SHROOM2: variants seen among roughly 807,000 people sequenced by gnomAD.
The protein encoded by SHROOM2 is protein Shroom2.
SHROOM2 carries 33 observed loss-of-function variants against 75.9 expected under a neutral mutation model. That is an observed-to-expected ratio of 0.43 (90% CI 0.33 to 0.58). The LOEUF (loss-of-function observed/expected upper bound fraction) is 0.58. Among genes scored for constraint, SHROOM2 ranks in the 20% least tolerant of loss-of-function variants. SHROOM2 has a pLI of 0.04. For synonymous variants in SHROOM2, 655 were observed against 663.6 expected (o/e 0.99, Z 0.20); for missense variants, 1,434 against 1,461.2 (o/e 0.98, Z 0.30).
chrX:9,839,675 G>A (rs1007876764), intron 1 of SHROOM2, among the ~76,000 whole-genome samples: 1 of 111,964 alleles, frequency 8.9e-6, no homozygotes, highest in East Asian at 2.8e-4. Context: ...AGATGTGCCC[G>A]TGTTGTCAGA....
chrX:9,807,814 C>G (rs958181789), intron 1 of SHROOM2, among the ~76,000 whole-genome samples: 1 of 112,183 alleles, frequency 8.9e-6, no homozygotes, highest in Admixed American at 9.4e-5. Flanking sequence ...TTCTGAGTGT[C>G]CTTTCCTGCC....
rs370073720 is a variant in SHROOM2 at position 9,932,801 on chromosome X, C to T, written c.3518C>T (p.Ser1173Leu). The change falls in exon 6 of 10, where the codon TCG (serine) becomes TTG (leucine). Residue 1173 changes from serine to leucine, a missense_variant. Ser to Leu is a moderately radical substitution (Grantham distance 145, BLOSUM62 -2). This residue lies in a region of SHROOM2 where 1,340 missense variants were observed against 1,338.3 expected (regional missense o/e 1.00). Transcript: ENST00000380913. ...TATMETSRSPSPQFAPQKLTD... is the reference protein window; with the variant it reads ...TATMETSRSPLPQFAPQKLTD... ...ACCATGGAGACCTCGCGCTCCCCCT[C>T]GCCCCAGTTCGCCCCCCAGAAACTG... The T allele has an allele frequency of 7.5e-6, 9 of 1,204,803 alleles. No homozygotes were observed. The highest frequency in any genetic ancestry group is 2.3e-4 in the Middle Eastern group (1 of 4,342).
chrX:9,828,504 C>T lies in SHROOM2; in HGVS notation c.165+41794C>T, dbSNP rs148528839. Among the ~76,000 whole-genome samples, 857 of 111,612 alleles carry T rather than the reference C, an allele frequency of 7.7e-3. 10 individuals are homozygous for T. Among genetic ancestry groups the T allele is most frequent in the African/African-American group, 0.026 (811 of 30,661 alleles). On this transcript the variant is annotated intron_variant, in intron 1 of 9. Transcript: ENST00000380913. ...GTTGCTTTAGTGACAGAGTATTGCT[C>T]TGTCAGAGTAAGCCTTACCCAGGCT...
At chrX:9,874,985 A>G (rs2084190308) in intron 2 of SHROOM2, among the ~76,000 whole-genome samples, 1 of 96,656 alleles carries the variant, frequency 1.0e-5, no homozygotes, top group South Asian at 5.7e-4. Flanking sequence ...AGAGGTTGAT[A>G]TGGGAGGATT....
At chrX:9,823,568 T>C (rs907765260) in intron 1 of SHROOM2, among the ~76,000 whole-genome samples, 1 of 110,926 alleles carries the variant, frequency 9.0e-6, no homozygotes, top group African/African-American at 3.3e-5. Context: ...TTTGTAGTTA[T>C]GTCTTCACTG....
intron 6 of SHROOM2, among the ~76,000 whole-genome samples, chrX:9,935,310 T>TTTA (rs201503800): frequency 0.39 from 38,938 of 99,045 alleles, 6,370 homozygotes; most frequent in East Asian, 0.55. Context: ...TCCTCCTTCT[T>TTTA]TTATTATTAT....
At chrX:9,943,056 GTC>G (rs1370529680) in intron 8 of SHROOM2, among the ~76,000 whole-genome samples, 1 of 109,164 alleles carries the variant, frequency 9.2e-6, no homozygotes, top group Admixed American at 9.9e-5. Context: ...GAGAGACCCC[GTC>G]TCTACAAAAA....
intron 3 of SHROOM2, among the ~76,000 whole-genome samples, chrX:9,892,234 C>T (rs1241376710): frequency 2.3e-5 from 2 of 87,939 alleles, no homozygotes; most frequent in African/African-American, 8.9e-5. Context: ...GTCTGGGCAA[C>T]AGAGCAAGAC....
At chrX:9,819,580 G>A in intron 1 of SHROOM2, 1 of 154,729 alleles carries the variant, frequency 6.5e-6, no homozygotes, top group Non-Finnish European at 1.2e-5. Flanking sequence ...AAAAGTTCTC[G>A]GTCTCTAATG....
At chrX:9,924,948 G>A (rs1477788503) in intron 5 of SHROOM2, among the ~76,000 whole-genome samples, 1 of 111,588 alleles carries the variant, frequency 9.0e-6, no homozygotes, top group Non-Finnish European at 1.9e-5. Flanking sequence ...GAGCCACTGT[G>A]CTCAGCCTGG....
chrX:9,871,884 C>T lies in SHROOM2; in HGVS notation c.166-1768C>T, dbSNP rs776811598. Among the ~76,000 whole-genome samples, 261 of 112,016 alleles carry T rather than the reference C, an allele frequency of 2.3e-3. 1 individual carries two copies. The highest frequency in any genetic ancestry group is 8.1e-3 in the African/African-American group (249 of 30,843). On this transcript the variant is annotated intron_variant, in intron 1 of 9. Coordinates refer to ENST00000380913, the MANE Select transcript of SHROOM2 (RefSeq NM_001649.4). ...TTCAGGCTCACTCTTGGAAGTTGTT[C>T]TTGGGTTAGCCATGACATGCAGCTG...
intron 1 of SHROOM2, among the ~76,000 whole-genome samples, chrX:9,805,079 AAAAAAAAAAAAATACAAAAGTTAGCCAG>A (rs951764524): frequency 4.9e-5 from 5 of 101,494 alleles, no homozygotes; most frequent in African/African-American, 1.8e-4. Context: ...ATGTCTACTA[AAAAAAAAAAAAATACAAAAGTTAGCCAG>A]GAGTGGTGGT....
chrX:9,864,133 C>T (rs1324876969), intron 1 of SHROOM2, among the ~76,000 whole-genome samples: 1 of 111,118 alleles, frequency 9.0e-6, no homozygotes, highest in Non-Finnish European at 1.9e-5. Flanking sequence ...CAACTTGCTG[C>T]CTTGCTGGAT....
intron 1 of SHROOM2, among the ~76,000 whole-genome samples, chrX:9,811,069 C>T (rs770383745): frequency 8.9e-6 from 1 of 112,066 alleles, no homozygotes; most frequent in African/African-American, 3.2e-5. Context: ...ATAGGCAAAC[C>T]CATATCTGGA....
chrX:9,836,270 CT>C (rs1231585867), intron 1 of SHROOM2, among the ~76,000 whole-genome samples: 2 of 112,196 alleles, frequency 1.8e-5, no homozygotes, highest in African/African-American at 6.5e-5. Flanking sequence ...CCTCAGTTTT[CT>C]CTCTAAAAAG....
intron 1 of SHROOM2, among the ~76,000 whole-genome samples, chrX:9,807,256 C>T (rs1453576786): frequency 8.9e-6 from 1 of 112,191 alleles, no homozygotes; most frequent in Non-Finnish European, 1.9e-5. Context: ...TTGGTAGGTG[C>T]AGGAAAGCCA....
intron 6 of SHROOM2, among the ~76,000 whole-genome samples, chrX:9,934,647 C>T (rs1312987807): frequency 1.8e-5 from 2 of 111,172 alleles, no homozygotes; most frequent in Admixed American, 9.6e-5. Context: ...AGTCAAGGCT[C>T]GTGAAACTGT....
chrX:9,880,095 C>CT (rs773323256), intron 2 of SHROOM2, among the ~76,000 whole-genome samples: 22 of 111,858 alleles, frequency 2.0e-4, no homozygotes, highest in Non-Finnish European at 3.8e-4. Context: ...AATGTCCTCT[C>CT]TTGAGACTTG....
chrX:9,843,196 T>G (rs1361851941), intron 1 of SHROOM2, among the ~76,000 whole-genome samples: 2 of 102,796 alleles, frequency 1.9e-5, no homozygotes, highest in Non-Finnish European at 4.0e-5. Flanking sequence ...CCCCCTATTG[T>G]TTTTTTTTTT....
Sources: gnomAD v4.1 joint callset for allele counts (sites outside exome capture counted in the v4.1 genomes callset) on GRCh38, gnomAD v4.1.1 for gene constraint, gnomAD v4.1.1 regional missense constraint, MANE v1.5 for transcripts, NCBI Gene and HGNC (gene_info 2026-07-23, HGNC 2026-07-21) for gene names.